NTRK1: variants seen among roughly 807,000 people sequenced by gnomAD.
NTRK1 encodes neurotrophic receptor tyrosine kinase 1.
Under a neutral mutation model 86.8 loss-of-function variants are expected in NTRK1, and 62 were observed. That is an observed-to-expected ratio of 0.71 (90% CI 0.58 to 0.88). The LOEUF (loss-of-function observed/expected upper bound fraction) is 0.88. Ranked by LOEUF, NTRK1 falls within the 40% of genes least tolerant of loss-of-function variation. The probability of loss-of-function intolerance (pLI) is 0.00; values close to 1 mark genes in which losing one functional copy is unlikely to be tolerated. For synonymous variants in NTRK1, 469 were observed against 456.6 expected, an observed-to-expected ratio of 1.03 and a Z score of -0.35; for missense variants, 967 against 1,078.4, an observed-to-expected ratio of 0.90 and a Z score of 1.45.
At chr1:156,841,534 G>C (rs775019889) in intron 1 of NTRK1, 1 of 1,613,830 alleles carries the variant, frequency 6.2e-7, no homozygotes, top group African/African-American at 1.3e-5. Flanking sequence ...AGGACCTGGG[G>C]GCATGCAGGA....
chr1:156,853,477 T>C (rs376025569), intron 2 of NTRK1, among the ~76,000 whole-genome samples: 2 of 152,190 alleles, frequency 1.3e-5, no homozygotes, highest in East Asian at 3.8e-4. Context: ...CTGCCTACTC[T>C]CTGTTCATGC....
At chr1:156,853,982 C>A (rs373077572) in intron 2 of NTRK1, 2 of 1,613,454 alleles carry the variant, frequency 1.2e-6, no homozygotes, top group African/African-American at 1.3e-5. Context: ...CACAGCCCCA[C>A]GCAGCACGGC....
At chr1:156,862,544 G>A (rs1655702311) in intron 1 of NTRK1, among the ~76,000 whole-genome samples, 1 of 152,176 alleles carries the variant, frequency 6.6e-6, no homozygotes, top group African/African-American at 2.4e-5. Flanking sequence ...AGCATGTAGG[G>A]TGGTGAGCTG....
At position 156,875,332 on chromosome 1, in the gene NTRK1, G is replaced by A. The variant is rs574867397; in HGVS notation, c.1355-188G>A. 7.9e-5 allele frequency among the ~76,000 whole-genome samples: 12 copies of A among 152,168 alleles called. No individual in the cohort carries two copies. The South Asian group carries it at 2.1e-3, about 26-fold the overall frequency. ...GTTCTTTGGTGCCCATGGGGCCAGGGGTGGGACAGGAGCCAGCACAGGGAG... is the reference window on the plus strand; with the variant it reads ...GTTCTTTGGTGCCCATGGGGCCAGGAGTGGGACAGGAGCCAGCACAGGGAG... On this transcript the variant is annotated intron_variant, in intron 11 of 16. Transcript: ENST00000524377.
chr1:156,871,605 C>G lies in NTRK1; in HGVS notation c.718-18C>G, dbSNP rs537274456. On this transcript the variant is annotated intron_variant, in intron 6 of 16. Transcript: ENST00000524377. The stretch of plus-strand genomic sequence containing the variant: ...GGCTAAAGCTCCTTCTTATTCCCCC[C>G]TCTCTTTCCTGATCTAGAAATCTGG... 17 of 1,614,026 alleles carry G rather than the reference C, an allele frequency of 1.1e-5. No homozygotes were observed. In the African/African-American group the frequency reaches 1.3e-4, roughly 13 times the overall value.
chr1:156,845,199 C>A, intron 2 of NTRK1: 1 of 1,609,688 alleles, frequency 6.2e-7, no homozygotes. Flanking sequence ...CTCAGCACCG[C>A]TCGCTCACGG....
Position 156,830,730 on chromosome 1 carries a change from C to T in NTRK1, c.-63-11351C>T, listed in dbSNP as rs191936762. 4.5e-3 allele frequency among the ~76,000 whole-genome samples: 689 copies of T among 151,938 alleles called. 12 individuals are homozygous for T. Among genetic ancestry groups the T allele is most frequent in the Non-Finnish European group, 3.2e-3 (215 of 67,956 alleles). On this transcript the variant is annotated intron_variant, in intron 1 of 16. Transcript: ENST00000392302. ...CCACCACGTCTGGCCAATTTTTGTA[C>T]TTTTAGTAGAGATGGGGTTTTGCCA...
intron 1 of NTRK1, among the ~76,000 whole-genome samples, chr1:156,832,741 G>A (rs896194742): frequency 6.6e-6 from 1 of 152,224 alleles, no homozygotes; most frequent in African/African-American, 2.4e-5. Flanking sequence ...AGGATTTTCA[G>A]CAGGGAAGCA....
chr1:156,849,185 C>G (rs1268992661), intron 2 of NTRK1: 1 of 1,604,338 alleles, frequency 6.2e-7, no homozygotes, highest in Admixed American at 1.7e-5. Flanking sequence ...TTCTCCCTCC[C>G]CCGGGTGTGC....
At chr1:156,859,545 C>T (rs1249093538), upstream of NTRK1, among the ~76,000 whole-genome samples, 1 of 152,062 alleles carries the variant, frequency 6.6e-6, no homozygotes, top group Non-Finnish European at 1.5e-5. This position sits in a 1 kb window ranked among gnomAD's most constrained non-coding sequence, Gnocchi z 6.2. Context: ...CCCTCTCAGC[C>T]TCCTAGGAGG....
intron 1 of NTRK1, among the ~76,000 whole-genome samples, chr1:156,862,586 C>T (rs1655704600): frequency 6.6e-6 from 1 of 152,106 alleles, no homozygotes; most frequent in Non-Finnish European, 1.5e-5. Flanking sequence ...TGCAGCCTGA[C>T]ATCCCCCTCC....
chr1:156,826,762 T>C (rs1446600696), intron 1 of NTRK1, among the ~76,000 whole-genome samples: 1 of 152,232 alleles, frequency 6.6e-6, no homozygotes, highest in South Asian at 2.1e-4. Context: ...TGCAGAATCA[T>C]AGTATCTTTT....
intron 1 of NTRK1, among the ~76,000 whole-genome samples, chr1:156,834,820 G>C (rs927283278): frequency 6.6e-6 from 1 of 152,062 alleles, no homozygotes; most frequent in African/African-American, 2.4e-5. Flanking sequence ...GGGAGACGGG[G>C]GGTTGTATTT....
chr1:156,846,464 CCT>C, intron 2 of NTRK1: 1 of 1,411,590 alleles, frequency 7.1e-7, no homozygotes, highest in Non-Finnish European at 1.0e-6. Context: ...CCTGTGCTCC[CCT>C]GTTCTCATGG....
At chr1:156,844,169 C>T (rs1654900335) in intron 2 of NTRK1, 1 of 1,608,636 alleles carries the variant, frequency 6.2e-7, no homozygotes, top group East Asian at 2.2e-5. Flanking sequence ...TGGGACTTAT[C>T]ATCACCTCTT....
Position 156,845,700 on chromosome 1 carries a change from A to T in NTRK1, c.50+3507A>T, listed in dbSNP as rs762054050. The T allele has an allele frequency of 2.5e-6, 4 of 1,613,408 alleles. No individual in the cohort carries two copies. In the South Asian group the frequency reaches 4.4e-5, roughly 18 times the overall value. ...CTCTTGCGCCTCCAGCGGGGGCAGA[A>T]CCTGACCAGGAGGTGGGTGCTGGCA... is the stretch of plus-strand genomic sequence containing the variant. On this transcript the variant is annotated intron_variant, in intron 2 of 16. Coordinates refer to the NTRK1 transcript ENST00000392302.
chr1:156,860,246 G>C (rs1416765347), upstream of NTRK1, among the ~76,000 whole-genome samples: 1 of 152,186 alleles, frequency 6.6e-6, no homozygotes, highest in East Asian at 1.9e-4. Flanking sequence ...GCGCCTTTGC[G>C]CGCGGGCTTC....
chr1:156,842,091 T>A (rs745647077), exon 2 of NTRK1: 1 of 1,613,694 alleles, frequency 6.2e-7, no homozygotes, highest in Non-Finnish European at 8.5e-7. Flanking sequence ...GCCGCCCTCA[T>A]CTGCCTGGCA....
intron 1 of NTRK1, among the ~76,000 whole-genome samples, chr1:156,862,381 T>C (rs1404694098): frequency 1.3e-5 from 2 of 152,142 alleles, no homozygotes; most frequent in Non-Finnish European, 2.9e-5. Flanking sequence ...TCCAGTTCTC[T>C]CATCACCCTG....
Sources: gnomAD v4.1 joint callset for allele counts (sites outside exome capture counted in the v4.1 genomes callset) on GRCh38, gnomAD v4.1.1 for gene constraint, Gnocchi (gnomAD v3.1) non-coding constraint, MANE v1.5 for transcripts, NCBI Gene and HGNC (gene_info 2026-07-23, HGNC 2026-07-21) for gene names.